Variants in MACROD2 observed in about 807,000 individuals in gnomAD.
MACROD2 encodes mono-ADP ribosylhydrolase 2.
Under a neutral mutation model 70.4 loss-of-function variants are expected in MACROD2, and 36 were observed. The ratio of observed to expected loss-of-function variants is 0.51; its 90% CI spans 0.39 to 0.68. MACROD2 has a LOEUF of 0.68. MACROD2 is among the 30% of genes least tolerant of loss of function. MACROD2 has a pLI of 0.00. For synonymous variants in MACROD2, 172 were observed against 178.8 expected (o/e 0.96, Z 0.30); for missense variants, 496 against 538.4 (o/e 0.92, Z 0.78).
chr20:14,015,185 AT>A (rs2052970284), intron 2 of MACROD2, among the ~76,000 whole-genome samples: 1 of 152,100 alleles, frequency 6.6e-6, no homozygotes, highest in Non-Finnish European at 1.5e-5. Context: ...AGAATTTGCC[AT>A]TTTTACTATT....
chr20:14,598,005 CTG>C (rs1234199131), intron 4 of MACROD2, among the ~76,000 whole-genome samples: 2 of 152,076 alleles, frequency 1.3e-5, no homozygotes, highest in Admixed American at 6.6e-5. Flanking sequence ...ATAAACAAAT[CTG>C]TGCTTCTCTA....
intron 4 of MACROD2, among the ~76,000 whole-genome samples, chr20:14,599,347 T>C (rs1477596308): frequency 1.3e-5 from 2 of 151,846 alleles, no homozygotes; most frequent in Non-Finnish European, 2.9e-5. Flanking sequence ...TGGTGGGAGA[T>C]AGGAGAATGA....
chr20:14,074,466 A>T (rs74179731), intron 2 of MACROD2, among the ~76,000 whole-genome samples: 201 of 152,258 alleles, frequency 1.3e-3, no homozygotes, highest in Non-Finnish European at 2.1e-3. Context: ...ATTGCCCTAC[A>T]TGACAGTTCA....
At chr20:14,249,128 G>GTCTTTTTTTTTTTTTT (rs1555773444) in intron 3 of MACROD2, among the ~76,000 whole-genome samples, 1 of 103,078 alleles carries the variant, frequency 9.7e-6, no homozygotes, top group Non-Finnish European at 1.9e-5. Context: ...GATTTCAAAG[G>GTCTTTTTTTTTTTTTT]TTTTTTTTTT....
chr20:15,518,549 T>G (rs775084176), intron 8 of MACROD2, among the ~76,000 whole-genome samples: 1 of 152,092 alleles, frequency 6.6e-6, no homozygotes, highest in Non-Finnish European at 1.5e-5. Flanking sequence ...TTGCTTTCCC[T>G]TCAACCTCCA....
intron 15 of MACROD2, 36 bp downstream of exon 15, chr20:15,987,194 A>G (rs768002655): frequency 6.6e-7 from 1 of 1,508,906 alleles, no homozygotes; most frequent in Non-Finnish European, 9.1e-7. Context: ...TCAAGAATGG[A>G]GAGTTTCTTT....
chr20:15,466,332 T>C (rs1306758092), intron 7 of MACROD2, among the ~76,000 whole-genome samples: 3 of 152,246 alleles, frequency 2.0e-5, no homozygotes, highest in African/African-American at 7.2e-5. Context: ...GCCCTGAGGA[T>C]ATATTAATTC....
intron 4 of MACROD2, among the ~76,000 whole-genome samples, chr20:14,522,950 A>C (rs2085186362): frequency 6.6e-6 from 1 of 152,198 alleles, no homozygotes; most frequent in Non-Finnish European, 1.5e-5. Context: ...TAAATGAATG[A>C]AGGAAGGAAA....
At chr20:16,003,123 AAC>A (rs2066737824) in intron 15 of MACROD2, among the ~76,000 whole-genome samples, 2 of 134,450 alleles carry the variant, frequency 1.5e-5, no homozygotes, top group Non-Finnish European at 3.3e-5. Context: ...CACACACACA[AAC>A]AATCTCTACC....
At chr20:14,678,555 A>G (rs2070890973) in intron 4 of MACROD2, among the ~76,000 whole-genome samples, 1 of 151,804 alleles carries the variant, frequency 6.6e-6, no homozygotes, top group Non-Finnish European at 1.5e-5. Flanking sequence ...CCTCTTTTAG[A>G]TTTCTGATCT....
At chr20:15,256,564 A>C (rs1001851062) in intron 6 of MACROD2, among the ~76,000 whole-genome samples, 1 of 152,016 alleles carries the variant, frequency 6.6e-6, no homozygotes, top group African/African-American at 2.4e-5. Context: ...GTAACTATCG[A>C]ACTGGAAAAA....
intron 9 of MACROD2, among the ~76,000 whole-genome samples, chr20:15,883,631 G>T (rs772414808): frequency 4.2e-4 from 64 of 151,958 alleles, no homozygotes; most frequent in Admixed American, 2.0e-3. Context: ...CTTAGAAGAG[G>T]GGCAGACTGA....
intron 5 of MACROD2, among the ~76,000 whole-genome samples, chr20:14,699,707 T>C (rs1161118487): frequency 6.6e-6 from 1 of 152,226 alleles, no homozygotes; most frequent in East Asian, 1.9e-4. Flanking sequence ...TTAATACCTA[T>C]GTGAAAACTA....
At chr20:15,039,993 C>T (rs1477282047) in intron 5 of MACROD2, among the ~76,000 whole-genome samples, 2 of 152,062 alleles carry the variant, frequency 1.3e-5, no homozygotes, top group Non-Finnish European at 2.9e-5. Flanking sequence ...TACTTAGTGG[C>T]ATTTATTACC....
chr20:15,224,850 C>T (rs536122728), intron 5 of MACROD2, among the ~76,000 whole-genome samples: 3 of 151,718 alleles, frequency 2.0e-5, no homozygotes, highest in African/African-American at 7.3e-5. Flanking sequence ...ATCCCAGCTA[C>T]TGAAGAGGCT....
intron 6 of MACROD2, among the ~76,000 whole-genome samples, chr20:15,254,430 G>A (rs1029261790): frequency 2.6e-5 from 4 of 152,018 alleles, no homozygotes; most frequent in African/African-American, 4.8e-5. Context: ...CAGCACGGGG[G>A]GAAAGAGCAG....
intron 3 of MACROD2, among the ~76,000 whole-genome samples, chr20:14,096,752 C>A (rs2054232588): frequency 6.6e-6 from 1 of 152,148 alleles, no homozygotes; most frequent in Non-Finnish European, 1.5e-5. Context: ...TAAGAACATA[C>A]TTGGTCCCTT....
chr20:14,439,928 G>C (rs1325908620), intron 3 of MACROD2, among the ~76,000 whole-genome samples: 4 of 152,180 alleles, frequency 2.6e-5, no homozygotes, highest in Non-Finnish European at 5.9e-5. Context: ...GAAAGCCCAT[G>C]AAAATGAGAC....
intron 8 of MACROD2, among the ~76,000 whole-genome samples, chr20:15,689,667 C>G (rs1248068291): frequency 6.6e-6 from 1 of 152,070 alleles, no homozygotes; most frequent in Non-Finnish European, 1.5e-5. Flanking sequence ...CGAGTGAGCC[C>G]TGGGGGAGGA....
Sources: allele counts gnomAD v4.1 joint callset (sites outside exome capture counted in the v4.1 genomes callset), GRCh38; gene constraint gnomAD v4.1.1; transcripts MANE v1.5; gene names NCBI Gene and HGNC (gene_info 2026-07-23, HGNC 2026-07-21).